Variants in TEPSIN observed in about 807,000 individuals in gnomAD.
TEPSIN encodes the protein TEPSIN adaptor related protein complex 4 accessory protein, also known as AP-4 complex accessory subunit tepsin.
Under a neutral mutation model 48.5 loss-of-function variants are expected in TEPSIN, and 50 were observed. The ratio of observed to expected loss-of-function variants is 1.03; its 90% CI spans 0.82 to 1.31. The LOEUF is 1.31. TEPSIN is among the 50% of genes most tolerant of loss of function. TEPSIN has a pLI of 0.00. For missense variants in TEPSIN, 838 were observed against 815.9 expected, an observed-to-expected ratio of 1.03 and a Z score of -0.33; for synonymous variants, 392 against 358.8, an observed-to-expected ratio of 1.09 and a Z score of -1.05.
In TEPSIN at chr17:81,233,218, A is replaced by C; in HGVS notation, c.526+214T>G. 1.7e-6 allele frequency: 1 copy of C among 600,886 alleles called. No individual in the cohort carries two copies. Among genetic ancestry groups the C allele is most frequent in the Non-Finnish European group, 2.9e-6 (1 of 348,474 alleles). 37.2% of individuals were successfully genotyped at this position (600,886 alleles called of 1,614,324 possible). On this transcript the variant is annotated intron_variant, in intron 7 of 12. Coordinates refer to ENST00000637944, the MANE Select transcript of TEPSIN (RefSeq NM_001363764.2). The surrounding 1 kb of genome is among the most constrained non-coding windows in gnomAD (Gnocchi z 5.8). ...CTTCTTGCTCGGCCTGGTTTCTCTC[A>C]TCTGTCCATAAAGCAGCCCTGGCCA...
intron 1 of TEPSIN, chr17:81,237,946 C>CGT: frequency 5.0e-6 from 5 of 1,000,100 alleles, no homozygotes; most frequent in Non-Finnish European, 6.0e-6. Flanking sequence ...CGACTGATGT[C>CGT]GTGTGTTTTA....
chr17:81,238,817 C>T, intron 1 of TEPSIN, 169 bp downstream of exon 1: 1 of 1,331,966 alleles, frequency 7.5e-7, no homozygotes, highest in South Asian at 2.0e-5. Context: ...GGCCCCGGGA[C>T]GGCGCGGCGG....
Position 81,232,462 on chromosome 17 carries a change from T to G in TEPSIN, c.583A>C (p.Ser195Arg). ...CTCTCGGGCCCGGGGCGCATGGCGC[T>G]GGCCACCACCTCTGCGGCCTTCTGG... ...TIQKAAEVVA[S>R]AMRPGPESPS... The change falls in exon 8 of 13, where the codon AGC becomes CGC. Residue 195 changes from serine (S) to arginine (R), a missense_variant. By Grantham distance (110) the Ser-to-Arg change is moderately radical (BLOSUM62 -1). Coordinates refer to ENST00000637944, the MANE Select transcript of TEPSIN (RefSeq NM_001363764.2). 6.5e-7 allele frequency: 1 copy of G among 1,535,170 alleles called. No individual in the cohort carries two copies. Among genetic ancestry groups the G allele is most frequent in the Non-Finnish European group, 8.7e-7 (1 of 1,146,574 alleles).
Position 81,236,763 on chromosome 17 carries a change from G to C in TEPSIN, c.252C>G (p.Ser84=), listed in dbSNP as rs149429739. 3.8e-6 allele frequency: 6 copies of C among 1,574,198 alleles called. No individual in the cohort carries two copies. The highest frequency in any genetic ancestry group is 1.2e-5 in the South Asian group (1 of 85,814). Residue 84 remains serine (S), a synonymous_variant, in exon 4 of 13, where the codon TCC becomes TCG. Coordinates refer to ENST00000637944, the MANE Select transcript of TEPSIN (RefSeq NM_001363764.2). ...KILLYLCSHG[S]SFFLLILKRN... Reference sequence around the variant, plus strand: ...GTTTGAGGATGAGCAGGAAGAAGGAGGAGCCGTGGCTGCACAGATAGAGCA... The same window carrying C: ...GTTTGAGGATGAGCAGGAAGAAGGACGAGCCGTGGCTGCACAGATAGAGCA...
rs2062605019 is a variant in TEPSIN at position 81,231,412 on chromosome 17, C to T, written c.1084G>A (p.Glu362Lys). ...GTGCAGCTCACCAGCTGCGTGCATT[C>T]ACTGGTCCCACGCAGGTGGCAGGTC... ...LLTCHLRGTS[E>K]CTQLRALCAI... The change falls in exon 11 of 13, where the codon GAA becomes AAA. Residue 362 changes from glutamate to lysine, a missense_variant. Transcript: ENST00000637944. 6.4e-7 allele frequency: 1 copy of T among 1,555,034 alleles called. No individual in the cohort carries two copies. Among genetic ancestry groups the T allele is most frequent in the Non-Finnish European group, 8.7e-7 (1 of 1,149,584 alleles).
At position 81,234,747 on chromosome 17, in the gene TEPSIN, A is replaced by G. The variant is rs926865457; in HGVS notation, c.308-699T>C. Among the ~76,000 whole-genome samples the G allele has an allele frequency of 6.6e-6, 1 of 151,990 alleles. No homozygotes were observed. The highest frequency in any genetic ancestry group is 1.5e-5 in the Non-Finnish European group (1 of 67,976). On this transcript the variant is annotated intron_variant, in intron 4 of 12. Coordinates refer to ENST00000637944, the MANE Select transcript of TEPSIN (RefSeq NM_001363764.2). This position sits in a 1 kb window ranked among gnomAD's most constrained non-coding sequence, Gnocchi z 5.4. ...GCCCAGGGCTGGCGGCCACAAGCTGAGTCAATGGCTGGATGAACTGACACC... is the reference window on the plus strand; with the variant it reads ...GCCCAGGGCTGGCGGCCACAAGCTGGGTCAATGGCTGGATGAACTGACACC...
chr17:81,235,380 C>G (rs1339514438), intron 4 of TEPSIN, among the ~76,000 whole-genome samples: 1 of 152,192 alleles, frequency 6.6e-6, no homozygotes, highest in Admixed American at 6.5e-5. Flanking sequence ...CCGTCTCTCA[C>G]GTGTGGCATC....
chr17:81,228,585 G>A lies in TEPSIN; in HGVS notation c.*343C>T, dbSNP rs1598343649. 4 of 352,074 alleles carry A rather than the reference G, an allele frequency of 1.1e-5. No homozygotes were observed. Among genetic ancestry groups the A allele is most frequent in the Non-Finnish European group, 2.1e-5 (4 of 192,966 alleles). The allele number at this position is 352,074 out of a possible 1,614,324, so 21.8% of individuals were successfully genotyped here. A position where few individuals can be genotyped will look rare whatever the true frequency, so the allele number is the denominator to read the frequency against. On this transcript the variant is annotated 3_prime_UTR_variant, in exon 13 of 13. Coordinates refer to ENST00000637944, the MANE Select transcript of TEPSIN (RefSeq NM_001363764.2). ...TTGTTGCTGCTCATGACCTCCTGGGGAAGGAGGGAGCTGAGATCAAAATGA... is the reference window on the plus strand; with the variant it reads ...TTGTTGCTGCTCATGACCTCCTGGGAAAGGAGGGAGCTGAGATCAAAATGA...
rs1475151612 is a variant in TEPSIN at position 81,234,492 on chromosome 17, CCT to C, written c.308-446_308-445del. Among the ~76,000 whole-genome samples, 1 of 152,082 alleles carries C rather than the reference CCT, an allele frequency of 6.6e-6. No individual in the cohort carries two copies. Among genetic ancestry groups the C allele is most frequent in the Non-Finnish European group, 1.5e-5 (1 of 67,992 alleles). On this transcript the variant is annotated intron_variant, in intron 4 of 12. Transcript: ENST00000637944. This position sits in a 1 kb window ranked among gnomAD's most constrained non-coding sequence, Gnocchi z 5.4. ...CTCGAGCTCCCCTGCTCTGAGAGTTCCTGTCATGATGAACTGGGGCTTCTTTC... is the reference window on the plus strand; with the variant it reads ...CTCGAGCTCCCCTGCTCTGAGAGTTCGTCATGATGAACTGGGGCTTCTTTC...
chr17:81,230,597 G>A lies in TEPSIN; in HGVS notation c.1180C>T (p.Leu394=), dbSNP rs1431386311. Reference sequence around the variant, plus strand: ...GGGCTGCCCATGCTGAGCTCCTGCAGCCACGGCCGGGTGCGGAGGAGGATG... The same window carrying A: ...GGGCTGCCCATGCTGAGCTCCTGCAACCACGGCCGGGTGCGGAGGAGGATG... The part of the protein sequence containing the change: ...EHILLRTRPW[L]QELSMGSPGP... Residue 394 remains leucine, a synonymous_variant, in exon 12 of 13, where the codon CTG becomes TTG. Coordinates refer to ENST00000637944, the MANE Select transcript of TEPSIN (RefSeq NM_001363764.2). This position sits in a 1 kb window ranked among gnomAD's most constrained non-coding sequence, Gnocchi z 4.2. The A allele has an allele frequency of 5.6e-6, 9 of 1,610,314 alleles. No individual in the cohort carries two copies. The highest frequency in any genetic ancestry group is 2.2e-5 in the East Asian group (1 of 44,754).
chr17:81,237,969 G>A (rs2062755370), intron 1 of TEPSIN: 6 of 1,002,282 alleles, frequency 6.0e-6, no homozygotes, highest in East Asian at 1.1e-4. Context: ...TTCGCTTAGC[G>A]CAGACGTACT....
In TEPSIN at chr17:81,229,432, G is replaced by A. The variant is rs964351581; in HGVS notation, c.1278C>T (p.Ala426=). 3 of 1,550,124 alleles carry A rather than the reference G, an allele frequency of 1.9e-6. No homozygotes were observed. In the African/African-American group the frequency reaches 4.1e-5, roughly 21 times the overall value. ...GGCCAGGCTCAGCTGAGGTGCCCCG[G>A]GCAGGGGACAGCTGCCCACAGGAGG... The part of the protein sequence containing the change: ...FEASCGQLSP[A]RGTSAEPGPT... The change falls in exon 13 of 13, where the codon GCC becomes GCT. Residue 426 remains alanine (A), a synonymous_variant. Coordinates refer to ENST00000637944, the MANE Select transcript of TEPSIN (RefSeq NM_001363764.2).
intron 1 of TEPSIN, chr17:81,237,796 CTACT>C (rs2146855142): frequency 3.1e-6 from 1 of 318,060 alleles, no homozygotes; most frequent in African/African-American, 2.2e-5. Context: ...CTGTACCTAC[CTACT>C]GACTAGCAAA....
Position 81,230,512 on chromosome 17 carries a change from C to A in TEPSIN, c.1233+32G>T. 5.6e-6 allele frequency: 9 copies of A among 1,608,048 alleles called. No individual in the cohort carries two copies. Among genetic ancestry groups the A allele is most frequent in the Non-Finnish European group, 6.8e-6 (8 of 1,178,474 alleles). ...GTATCTCCCACTGTACCCTTGGACC[C>A]CGGTGTGCGTGTGGCCTCCGCAGCT... On this transcript the variant is annotated intron_variant, in intron 12 of 12. Coordinates refer to ENST00000637944, the MANE Select transcript of TEPSIN (RefSeq NM_001363764.2). The surrounding 1 kb of genome is among the most constrained non-coding windows in gnomAD (Gnocchi z 4.2).
chr17:81,238,124 G>A (rs2062759264), intron 1 of TEPSIN: 1 of 985,756 alleles, frequency 1.0e-6, no homozygotes, highest in South Asian at 4.7e-5. Flanking sequence ...CCCACCGCGT[G>A]AGGTGCCGAA....
chr17:81,238,017 C>T (rs1328624542), intron 1 of TEPSIN: 47 of 995,468 alleles, frequency 4.7e-5, no homozygotes, highest in Non-Finnish European at 2.6e-5. Context: ...CAAAGATGTA[C>T]GGTTTATAGG....
intron 2 of TEPSIN, 129 bp from the exon 3 acceptor site, chr17:81,237,200 C>A: frequency 8.4e-7 from 1 of 1,184,314 alleles, no homozygotes; most frequent in Non-Finnish European, 1.2e-6. Context: ...CCATCAGGAG[C>A]ACCTGGGCTT....
Position 81,236,752 on chromosome 17 carries a change from A to G in TEPSIN, c.263T>C (p.Leu88Pro). The G allele has an allele frequency of 3.2e-6, 5 of 1,574,388 alleles. No homozygotes were observed. Among genetic ancestry groups the G allele is most frequent in the Non-Finnish European group, 8.6e-7 (1 of 1,160,592 alleles). The change falls in exon 4 of 13, where the codon CTG (leucine) becomes CCG (proline). Residue 88 changes from leucine to proline, a missense_variant. By Grantham distance (98) the Leu-to-Pro change is moderately conservative (BLOSUM62 -3). Transcript: ENST00000637944. ...YLCSHGSSFFLLILKRNSAFI... is the reference protein window; with the variant it reads ...YLCSHGSSFFPLILKRNSAFI... ...GGCAGAGTTGCGTTTGAGGATGAGCAGGAAGAAGGAGGAGCCGTGGCTGCA... is the reference window on the plus strand; with the variant it reads ...GGCAGAGTTGCGTTTGAGGATGAGCGGGAAGAAGGAGGAGCCGTGGCTGCA...
In TEPSIN at chr17:81,228,934, G is replaced by A. The variant is rs753882637; in HGVS notation, c.1776C>T (p.Asn592=). The part of the protein sequence containing the change: ...GSEPSAFAFL[N]A ...CCAGGGCCAGGCCATCGGGTCAGGC[G>A]TTCAGGAACGCGAAAGCTGACGGCT... The change falls in exon 13 of 13, where the codon AAC becomes AAT. Residue 592 remains asparagine (N), a synonymous_variant. Transcript: ENST00000637944. 3.2e-5 allele frequency: 52 copies of A among 1,613,190 alleles called. No individual in the cohort carries two copies. The highest frequency in any genetic ancestry group is 1.2e-4 in the Admixed American group (7 of 59,990).
Sources: gnomAD v4.1 joint callset for allele counts (sites outside exome capture counted in the v4.1 genomes callset) on GRCh38, gnomAD v4.1.1 for gene constraint, Gnocchi (gnomAD v3.1) non-coding constraint, MANE v1.5 for transcripts, NCBI Gene and HGNC (gene_info 2026-07-23, HGNC 2026-07-21) for gene names.